The following ERICH2 variants were observed in gnomAD, a reference collection of about 807,000 sequenced individuals.
ERICH2 encodes glutamate rich 2.
In ERICH2, 17 loss-of-function variants were observed where a neutral mutation model predicts 17.4. The ratio of observed to expected loss-of-function variants is 0.98; its 90% CI spans 0.67 to 1.47. The LOEUF is 1.47. Ranked by LOEUF, ERICH2 falls within the 40% of genes most tolerant of loss-of-function variation. The pLI, the probability that ERICH2 is intolerant of heterozygous loss-of-function variation, is 0.00. For missense variants in ERICH2, 186 were observed against 183.2 expected, an observed-to-expected ratio of 1.01 and a Z score of -0.09; for synonymous variants, 51 against 61.1, an observed-to-expected ratio of 0.83 and a Z score of 0.77.
the ERICH2 span, among the ~76,000 whole-genome samples, chr2:170,775,101 C>T: frequency 6.8e-6 from 1 of 146,822 alleles, no homozygotes; most frequent in South Asian, 2.3e-4. Flanking sequence ...TGTTGCAATC[C>T]CTGAAGATCC....
intron 2 of ERICH2, among the ~76,000 whole-genome samples, chr2:170,791,758 T>G (rs1216818523): frequency 6.6e-6 from 1 of 151,714 alleles, no homozygotes; most frequent in African/African-American, 2.4e-5. Context: ...TGAATGAGAA[T>G]TTTGATGAAA....
intron 2 of ERICH2, among the ~76,000 whole-genome samples, chr2:170,788,327 ACAT>A (rs1465276945): frequency 3.3e-5 from 5 of 152,300 alleles, no homozygotes; most frequent in African/African-American, 1.2e-4. Context: ...TTCTTTTTCA[ACAT>A]TTAATTATAA....
the ERICH2 span, among the ~76,000 whole-genome samples, chr2:170,772,566 C>T: frequency 1.3e-5 from 2 of 152,128 alleles, no homozygotes; most frequent in African/African-American, 4.8e-5. Context: ...AGTCTGGAAT[C>T]CTAGCACTAT....
the ERICH2 span, among the ~76,000 whole-genome samples, chr2:170,775,165 G>A: frequency 5.3e-5 from 8 of 151,924 alleles, no homozygotes; most frequent in Non-Finnish European, 8.8e-5. Flanking sequence ...GGTGGCTCAC[G>A]CCTGCAATCC....
At chr2:170,774,597 A>C in the ERICH2 span, among the ~76,000 whole-genome samples, 1 of 124,270 alleles carries the variant, frequency 8.0e-6, no homozygotes, top group African/African-American at 3.3e-5. Flanking sequence ...ATGAAGTCTC[A>C]CTCTGTCACC....
chr2:170,774,519 A>G, the ERICH2 span, among the ~76,000 whole-genome samples: 1 of 151,672 alleles, frequency 6.6e-6, no homozygotes, highest in Non-Finnish European at 1.5e-5. Context: ...GGGAAGTGAC[A>G]GGAACTGGGA....
chr2:170,780,784 A>G (rs1701008404), upstream of ERICH2, among the ~76,000 whole-genome samples: 1 of 152,202 alleles, frequency 6.6e-6, no homozygotes, highest in Non-Finnish European at 1.5e-5. Flanking sequence ...TCAATGAAAT[A>G]CTTTAATTCA....
chr2:170,779,177 G>A (rs766851526), upstream of ERICH2, among the ~76,000 whole-genome samples: 1 of 152,160 alleles, frequency 6.6e-6, no homozygotes, highest in Non-Finnish European at 1.5e-5. Flanking sequence ...AAAAACATTG[G>A]AGTGGGGAGA....
the ERICH2 span, among the ~76,000 whole-genome samples, chr2:170,776,662 G>A: frequency 1.3e-5 from 2 of 152,154 alleles, no homozygotes; most frequent in Admixed American, 6.5e-5. Flanking sequence ...ACAGGCTTGA[G>A]CCACCGCGCC....
At chr2:170,777,855 T>A in the ERICH2 span, 1 of 403,686 alleles carries the variant, frequency 2.5e-6, no homozygotes, top group Non-Finnish European at 4.3e-6. Flanking sequence ...GAAGGACAGT[T>A]AAAATGAAAA....
At chr2:170,781,103 A>G (rs1464187321), upstream of ERICH2, among the ~76,000 whole-genome samples, 1 of 152,172 alleles carries the variant, frequency 6.6e-6, no homozygotes, top group African/African-American at 2.4e-5. Context: ...ATTCCCTCCC[A>G]TAGTATTAAG....
chr2:170,798,233 G>A, intron 4 of ERICH2, 121 bp downstream of exon 9: 1 of 710,426 alleles, frequency 1.4e-6, no homozygotes, highest in Non-Finnish European at 2.4e-6. Flanking sequence ...AGGCTAAATG[G>A]CTGTCTTAAA....
upstream of ERICH2, among the ~76,000 whole-genome samples, chr2:170,781,782 A>T (rs558147944): frequency 2.1e-5 from 2 of 93,296 alleles, no homozygotes; most frequent in East Asian, 6.0e-4. Context: ...GGGAGAGTTA[A>T]CCCATTTTTA....
chr2:170,781,486 T>C (rs1236339713), upstream of ERICH2, among the ~76,000 whole-genome samples: 1 of 151,904 alleles, frequency 6.6e-6, no homozygotes. Flanking sequence ...ATAGAAAAAT[T>C]AGCCGGGCAT....
chr2:170,771,598 G>C, the ERICH2 span, among the ~76,000 whole-genome samples: 2 of 152,170 alleles, frequency 1.3e-5, no homozygotes, highest in Non-Finnish European at 2.9e-5. The surrounding 1 kb of genome is among the most constrained non-coding windows in gnomAD (Gnocchi z 4.8). Flanking sequence ...CCTTCCCTCA[G>C]TCCTTGCCCT....
chr2:170,771,135 C>G, the ERICH2 span: 1 of 154,738 alleles, frequency 6.5e-6, no homozygotes, highest in Admixed American at 6.5e-5. The surrounding 1 kb of genome is among the most constrained non-coding windows in gnomAD (Gnocchi z 4.8). Flanking sequence ...GCTAGCCGGG[C>G]TGGCTCTCGG....
intron 3 of ERICH2, among the ~76,000 whole-genome samples, chr2:170,797,025 C>G (rs771459276): frequency 6.6e-6 from 1 of 151,942 alleles, no homozygotes; most frequent in Non-Finnish European, 1.5e-5. Context: ...TTGTTGTGGT[C>G]CAAAAGAAAG....
At chr2:170,795,494 C>T (rs62168448) in intron 3 of ERICH2, among the ~76,000 whole-genome samples, 33,728 of 151,950 alleles carry the variant, frequency 0.22, 4,617 homozygotes, top group South Asian at 0.33. Context: ...ACTGTGGACA[C>T]GTAAAACCAT....
rs1387858683 is a variant in ERICH2 at position 170,791,781 on chromosome 2, A to G, written c.217-1082A>G. Among the ~76,000 whole-genome samples, 3 of 151,930 alleles carry G rather than the reference A, an allele frequency of 2.0e-5. No individual in the cohort carries two copies. In the South Asian group the frequency reaches 6.2e-4, roughly 31 times the overall value. On this transcript the variant is annotated intron_variant, in intron 2 of 4. Coordinates refer to ENST00000409885, the Ensembl canonical transcript of ERICH2. ...AATTTTGATGAAATTAATGACTTAT[A>G]GAAAAATCTCCGGAAGAGTTATATT... is the stretch of plus-strand genomic sequence containing the variant.
Sources: allele counts gnomAD v4.1 joint callset (sites outside exome capture counted in the v4.1 genomes callset), GRCh38; gene constraint gnomAD v4.1.1; non-coding constraint Gnocchi (gnomAD v3.1); transcripts MANE v1.5; gene names NCBI Gene and HGNC (gene_info 2026-07-23, HGNC 2026-07-21).